Variants in SH3GL2 observed in about 807,000 individuals in gnomAD.
The protein encoded by SH3GL2 is endophilin-A1.
In SH3GL2, 24 loss-of-function variants were observed where a neutral mutation model predicts 46.0. That is an observed-to-expected ratio of 0.52 (90% confidence interval 0.38 to 0.73). The LOEUF (loss-of-function observed/expected upper bound fraction) is 0.73. Among genes scored for constraint, SH3GL2 ranks in the 30% least tolerant of loss-of-function variants. The pLI is 0.00. For missense variants in SH3GL2, 413 were observed against 424.2 expected (o/e 0.97, Z 0.23); for synonymous variants, 196 against 147.1 (o/e 1.33, Z -2.40).
At chr9:17,645,151 C>CTTTTTTTTTTTTTTTT (rs57611978) in intron 1 of SH3GL2, among the ~76,000 whole-genome samples, 5 of 68,778 alleles carry the variant, frequency 7.3e-5, no homozygotes, top group African/African-American at 3.3e-4. Flanking sequence ...GCAAACGCTG[C>CTTTTTTTTTTTTTTTT]TTTTTTTTTT....
Position 17,796,568 on chromosome 9 carries a change from T to C in SH3GL2, c.*825T>C, listed in dbSNP as rs1430398339. 4 of 152,374 alleles carry C rather than the reference T, an allele frequency of 2.6e-5. No homozygotes were observed. The highest frequency in any genetic ancestry group is 5.9e-5 in the Non-Finnish European group (4 of 68,040). 9.4% of individuals were successfully genotyped at this position (152,374 alleles called of 1,614,324 possible). ...GGGCACAGGGAAGGGGGAACAAATATCTTCACTTCAGTTTTATTTGTGAAT... is the reference window on the plus strand; with the variant it reads ...GGGCACAGGGAAGGGGGAACAAATACCTTCACTTCAGTTTTATTTGTGAAT... On this transcript the variant is annotated 3_prime_UTR_variant, in exon 9 of 9. Coordinates refer to ENST00000380607, the MANE Select transcript of SH3GL2 (RefSeq NM_003026.5).
intron 1 of SH3GL2, among the ~76,000 whole-genome samples, chr9:17,681,395 C>G (rs1278596162): frequency 1.3e-5 from 2 of 152,094 alleles, no homozygotes; most frequent in East Asian, 1.9e-4. Flanking sequence ...GATTTATCAG[C>G]AAAAATACAG....
intron 1 of SH3GL2, among the ~76,000 whole-genome samples, chr9:17,743,388 A>G (rs758577288): frequency 6.6e-6 from 1 of 150,786 alleles, no homozygotes; most frequent in African/African-American, 2.5e-5. Flanking sequence ...TCAGGCCAGT[A>G]TAAGTGTATC....
chr9:17,717,057 A>G (rs922634909), intron 1 of SH3GL2, among the ~76,000 whole-genome samples: 1 of 152,056 alleles, frequency 6.6e-6, no homozygotes, highest in Non-Finnish European at 1.5e-5. Flanking sequence ...CCTGGTAGCT[A>G]TCTATATCTT....
At chr9:17,685,867 A>T (rs1465813421) in intron 1 of SH3GL2, among the ~76,000 whole-genome samples, 1 of 152,132 alleles carries the variant, frequency 6.6e-6, no homozygotes, top group Non-Finnish European at 1.5e-5. Context: ...AGTATAGTTC[A>T]GGACGTAGGC....
intron 1 of SH3GL2, among the ~76,000 whole-genome samples, chr9:17,687,500 CA>C (rs1208164091): frequency 2.7e-5 from 4 of 148,812 alleles, no homozygotes; most frequent in African/African-American, 7.7e-5. Context: ...TTAAGTGCAG[CA>C]AAAAAAATTT....
intron 1 of SH3GL2, among the ~76,000 whole-genome samples, chr9:17,661,078 C>T (rs970729780): frequency 6.6e-5 from 10 of 152,124 alleles, no homozygotes; most frequent in Non-Finnish European, 1.3e-4. Context: ...AGGAGAATCG[C>T]TTGAACCTGG....
chr9:17,761,091 C>A lies in SH3GL2; in HGVS notation c.115-346C>A, dbSNP rs112345943. Reference sequence around the variant, plus strand: ...TCTTTCTTGAGGGCAGCAAAATCTGCCTCCATGCCTGACCCACTGTAGGCA... The same window carrying A: ...TCTTTCTTGAGGGCAGCAAAATCTGACTCCATGCCTGACCCACTGTAGGCA... On this transcript the variant is annotated intron_variant, in intron 2 of 8. Coordinates refer to ENST00000380607, the MANE Select transcript of SH3GL2 (RefSeq NM_003026.5). Among the ~76,000 whole-genome samples the A allele has an allele frequency of 5.2e-3, 786 of 152,300 alleles. 8 individuals are homozygous for A. Among genetic ancestry groups the A allele is most frequent in the African/African-American group, 0.018 (741 of 41,542 alleles).
chr9:17,660,311 A>C (rs898516628), intron 1 of SH3GL2, among the ~76,000 whole-genome samples: 20 of 151,764 alleles, frequency 1.3e-4, no homozygotes, highest in African/African-American at 4.8e-4. Context: ...TGGCTGCCTG[A>C]CTCCTCAAGC....
At chr9:17,614,457 G>A (rs1298912420) in intron 1 of SH3GL2, among the ~76,000 whole-genome samples, 1 of 152,058 alleles carries the variant, frequency 6.6e-6, no homozygotes, top group Admixed American at 6.5e-5. Context: ...GATCCCTGTG[G>A]ACTGGCCCAC....
At chr9:17,586,210 C>T (rs1818374559) in intron 1 of SH3GL2, among the ~76,000 whole-genome samples, 1 of 152,060 alleles carries the variant, frequency 6.6e-6, no homozygotes, top group African/African-American at 2.4e-5. Context: ...AGTTGCTCTA[C>T]CCTAATCTCC....
At chr9:17,613,152 A>G (rs961962581) in intron 1 of SH3GL2, among the ~76,000 whole-genome samples, 2 of 152,186 alleles carry the variant, frequency 1.3e-5, no homozygotes, top group African/African-American at 4.8e-5. Context: ...AATAAGAGTA[A>G]TTTCTTAGTG....
intron 1 of SH3GL2, among the ~76,000 whole-genome samples, chr9:17,604,977 A>ATT (rs138726944): frequency 4.8e-4 from 66 of 137,526 alleles, no homozygotes; most frequent in Middle Eastern, 7.6e-3. Context: ...TTCACAAGTC[A>ATT]TTTTTTTTTT....
chr9:17,639,341 A>G (rs1819617737), intron 1 of SH3GL2, among the ~76,000 whole-genome samples: 1 of 152,178 alleles, frequency 6.6e-6, no homozygotes, highest in Non-Finnish European at 1.5e-5. Flanking sequence ...TATGTGAAGA[A>G]CTCTTACACC....
At chr9:17,702,655 C>T (rs946802595) in intron 1 of SH3GL2, among the ~76,000 whole-genome samples, 7 of 151,710 alleles carry the variant, frequency 4.6e-5, no homozygotes, top group Non-Finnish European at 2.9e-5. Context: ...CCTTTTTTCC[C>T]TCAACACATT....
At position 17,619,159 on chromosome 9, in the gene SH3GL2, T is replaced by A. The variant is rs548796404; in HGVS notation, c.45+39872T>A. Among the ~76,000 whole-genome samples the A allele has an allele frequency of 5.9e-5, 9 of 152,306 alleles. No individual in the cohort carries two copies. In the South Asian group the frequency reaches 1.9e-3, roughly 32 times the overall value. ...GTGCAGAAGCCGTGGCATAGTAACT[T>A]GCTCAAGATCCCCTAGTTGATGGCA... is the stretch of plus-strand genomic sequence containing the variant. On this transcript the variant is annotated intron_variant, in intron 1 of 8. Coordinates refer to ENST00000380607, the MANE Select transcript of SH3GL2 (RefSeq NM_003026.5).
At chr9:17,710,475 G>C (rs1207776963) in intron 1 of SH3GL2, among the ~76,000 whole-genome samples, 1 of 151,882 alleles carries the variant, frequency 6.6e-6, no homozygotes, top group African/African-American at 2.4e-5. Flanking sequence ...TGCAATTTAG[G>C]AATGAGAAGC....
At chr9:17,723,212 T>C (rs1018137618) in intron 1 of SH3GL2, among the ~76,000 whole-genome samples, 1 of 152,150 alleles carries the variant, frequency 6.6e-6, no homozygotes, top group African/African-American at 2.4e-5. Flanking sequence ...AAGTATTTTT[T>C]ATGTTTTTTA....
intron 1 of SH3GL2, among the ~76,000 whole-genome samples, chr9:17,739,590 T>C (rs891094411): frequency 1.4e-5 from 2 of 142,564 alleles, no homozygotes; most frequent in African/African-American, 5.3e-5. Flanking sequence ...AACTAAATTA[T>C]TTGGGGGAGT....
Sources: gnomAD v4.1 joint callset for allele counts (sites outside exome capture counted in the v4.1 genomes callset) on GRCh38, gnomAD v4.1.1 for gene constraint, MANE v1.5 for transcripts, NCBI Gene and HGNC (gene_info 2026-07-23, HGNC 2026-07-21) for gene names.